The following PCNX1 variants were observed in gnomAD, a reference collection of about 807,000 sequenced individuals.
PCNX1 encodes the protein pecanex-like protein 1.
PCNX1 carries 78 observed loss-of-function variants against 242.2 expected under a neutral mutation model. That is an observed-to-expected ratio of 0.32 (90% CI 0.27 to 0.39). The LOEUF is 0.39. PCNX1 is among the 10% of genes least tolerant of loss of function. The pLI, the probability that PCNX1 is intolerant of heterozygous loss-of-function variation, is 1.00. For missense variants in PCNX1, 2,581 were observed against 2,856.5 expected (o/e 0.90, Z 2.20); for synonymous variants, 1,024 against 1,032.9 (o/e 0.99, Z 0.17).
At chr14:71,062,933 C>T (rs1288168802) in intron 26 of PCNX1, among the ~76,000 whole-genome samples, 4 of 152,088 alleles carry the variant, frequency 2.6e-5, no homozygotes, top group Non-Finnish European at 4.4e-5. Flanking sequence ...ATTGTATTAC[C>T]GTTAGTGACA....
rs894183080 is a variant in PCNX1 at position 71,057,363 on chromosome 14, T to C, written c.4637-146T>C. The C allele has an allele frequency of 2.2e-5, 13 of 586,920 alleles. No homozygotes were observed. The African/African-American group carries it at 2.4e-4, about 11-fold the overall frequency. 36.4% of individuals were successfully genotyped at this position (586,920 alleles called of 1,614,324 possible). On this transcript the variant is annotated intron_variant, in intron 25 of 35. Coordinates refer to ENST00000304743, the MANE Select transcript of PCNX1 (RefSeq NM_014982.3). The stretch of plus-strand genomic sequence containing the variant: ...CTTTTCCATTTTCCTGTTTTACTTT[T>C]GTATAGAAACTGTAAGGGTATGAAT...
intron 30 of PCNX1, 112 bp from the exon 31 acceptor site, chr14:71,101,878 G>A: frequency 2.0e-6 from 1 of 512,372 alleles, no homozygotes; most frequent in South Asian, 3.0e-5. Context: ...ATATTAACAT[G>A]TGTTGAAATA....
At chr14:70,975,106 T>C (rs1057036118) in intron 5 of PCNX1, among the ~76,000 whole-genome samples, 1 of 152,188 alleles carries the variant, frequency 6.6e-6, no homozygotes, top group Non-Finnish European at 1.5e-5. Context: ...TTTGTTATCT[T>C]AGATTTAGTG....
rs758785578 is a variant in PCNX1, at chr14:71,109,517, T to G, written c.6810T>G (p.Pro2270=). Reference sequence around the variant, plus strand: ...CTAAAAGGAAAGAGCTACAGTGGCCTGATGAAGGAATCCGGTTAAAAGCTG... The same window carrying G: ...CTAAAAGGAAAGAGCTACAGTGGCCGGATGAAGGAATCCGGTTAAAAGCTG... ...NLSKRKELQW[P]DEGIRLKAGR... Residue 2270 remains proline, a synonymous_variant, in exon 35 of 36, where the codon CCT becomes CCG. Transcript: ENST00000304743. 9 of 1,613,944 alleles carry G rather than the reference T, an allele frequency of 5.6e-6. No homozygotes were observed. Among genetic ancestry groups the G allele is most frequent in the Admixed American group, 5.0e-5 (3 of 60,022 alleles).
intron 30 of PCNX1, chr14:71,093,933 A>G (rs1428456442): frequency 6.6e-6 from 1 of 152,244 alleles, no homozygotes; most frequent in Non-Finnish European, 1.5e-5. Context: ...TATAATATGT[A>G]TAAAATACAA....
intron 8 of PCNX1, among the ~76,000 whole-genome samples, chr14:71,009,152 A>G (rs1328415248): frequency 6.6e-6 from 1 of 152,182 alleles, no homozygotes; most frequent in African/African-American, 2.4e-5. Flanking sequence ...AGCTCTTTCC[A>G]TTCACTGACC....
At chr14:70,910,252 CG>C (rs1359333838) in intron 1 of PCNX1, among the ~76,000 whole-genome samples, 1 of 111,460 alleles carries the variant, frequency 9.0e-6, no homozygotes, top group African/African-American at 3.4e-5. Context: ...ATCATCATCA[CG>C]GCCATCAGGC....
At chr14:70,924,561 G>C (rs971031989) in intron 1 of PCNX1, among the ~76,000 whole-genome samples, 3 of 152,070 alleles carry the variant, frequency 2.0e-5, no homozygotes, top group Admixed American at 6.6e-5. Flanking sequence ...TTTTGAACTA[G>C]TCACCTTATA....
intron 30 of PCNX1, among the ~76,000 whole-genome samples, chr14:71,094,645 C>T (rs937829204): frequency 3.9e-5 from 6 of 152,044 alleles, no homozygotes; most frequent in Admixed American, 3.3e-4. Flanking sequence ...AAAACTGTTA[C>T]GTTGGACGTG....
rs372307277 is a variant in PCNX1 at position 70,965,150 on chromosome 14, TC to T, written c.468+2822del. On this transcript the variant is annotated intron_variant, in intron 3 of 35. Transcript: ENST00000304743. ...ATTCTTTCCTTCACCTCTGCCTTTCTCCCTTTCATCTTCTACCCATCATTTC... is the reference window on the plus strand; with the variant it reads ...ATTCTTTCCTTCACCTCTGCCTTTCTCCTTTCATCTTCTACCCATCATTTC... Among the ~76,000 whole-genome samples the T allele has an allele frequency of 3.5e-3, 537 of 152,314 alleles. 1 individual carries two copies. Among genetic ancestry groups the T allele is most frequent in the African/African-American group, 0.013 (521 of 41,562 alleles).
chr14:71,065,484 G>C (rs968688825), intron 26 of PCNX1, among the ~76,000 whole-genome samples: 1 of 151,964 alleles, frequency 6.6e-6, no homozygotes, highest in Non-Finnish European at 1.5e-5. Context: ...TTTTCTTGTA[G>C]ATTTGTTTAA....
Position 71,073,678 on chromosome 14 carries a change from A to C in PCNX1, c.4986A>C (p.Leu1662=). 1 of 1,614,104 alleles carries C rather than the reference A, an allele frequency of 6.2e-7. No homozygotes were observed. Among genetic ancestry groups the C allele is most frequent in the East Asian group, 2.2e-5 (1 of 44,882 alleles). Residue 1662 remains leucine, a synonymous_variant, in exon 27 of 36, where the codon CTA becomes CTC. Transcript: ENST00000304743. The part of the protein sequence containing the change: ...SFNAAFSQRW[L]AWEVIVTKYI... ...ATGCTGCATTTAGCCAGCGATGGCT[A>C]GCTTGGGAAGTGATAGTCACAAAGT...
At chr14:70,971,862 C>T (rs1050652134) in intron 5 of PCNX1, among the ~76,000 whole-genome samples, 2 of 152,118 alleles carry the variant, frequency 1.3e-5, no homozygotes, top group South Asian at 2.1e-4. Context: ...GTGGCTGGCT[C>T]AGAGTAAGTG....
intron 26 of PCNX1, among the ~76,000 whole-genome samples, chr14:71,062,819 T>C (rs1461680956): frequency 1.3e-5 from 2 of 152,190 alleles, no homozygotes; most frequent in Non-Finnish European, 2.9e-5. Flanking sequence ...CAAACTCCAT[T>C]TGTGGCAAGT....
chr14:71,081,142 A>G (rs920201700), intron 28 of PCNX1, among the ~76,000 whole-genome samples: 2 of 152,010 alleles, frequency 1.3e-5, no homozygotes, highest in African/African-American at 4.8e-5. Context: ...GGTTTTTGTC[A>G]TTGGTTCTGT....
At chr14:70,943,797 T>TTGA (rs1169406052) in intron 1 of PCNX1, among the ~76,000 whole-genome samples, 1 of 152,104 alleles carries the variant, frequency 6.6e-6, no homozygotes, top group Non-Finnish European at 1.5e-5. Flanking sequence ...GGCCAGGGCC[T>TTGA]TGCTGCTTTG....
At chr14:71,024,381 T>C (rs2060183312) in intron 13 of PCNX1, among the ~76,000 whole-genome samples, 1 of 152,196 alleles carries the variant, frequency 6.6e-6, no homozygotes, top group Non-Finnish European at 1.5e-5. Context: ...CTCTTAAATC[T>C]CCTTTAATCT....
At chr14:70,926,603 T>C (rs1338876796) in intron 1 of PCNX1, among the ~76,000 whole-genome samples, 2 of 152,092 alleles carry the variant, frequency 1.3e-5, no homozygotes, top group African/African-American at 2.4e-5. Flanking sequence ...CCTCCTATAA[T>C]GCACATGACA....
At chr14:70,982,812 C>G (rs551957397) in intron 6 of PCNX1, among the ~76,000 whole-genome samples, 1 of 152,110 alleles carries the variant, frequency 6.6e-6, no homozygotes, top group African/African-American at 2.4e-5. Flanking sequence ...GGGAATCCAA[C>G]GGTTACATTT....
Sources: allele counts gnomAD v4.1 joint callset (sites outside exome capture counted in the v4.1 genomes callset), GRCh38; gene constraint gnomAD v4.1.1; transcripts MANE v1.5; gene names NCBI Gene and HGNC (gene_info 2026-07-23, HGNC 2026-07-21).